The following EPHA6 variants were observed in gnomAD, a reference collection of about 807,000 sequenced individuals.
EPHA6 encodes the protein EPH receptor A6, also known as ephrin type-A receptor 6.
Under a neutral mutation model 112.0 loss-of-function variants are expected in EPHA6, and 50 were observed. The observed-to-expected ratio is 0.45, with a 90% CI of 0.36 to 0.56. The LOEUF is 0.56. Among genes scored for constraint, EPHA6 ranks in the 20% least tolerant of loss-of-function variants. The pLI, the probability that EPHA6 is intolerant of heterozygous loss-of-function variation, is 0.00. For synonymous variants in EPHA6, 529 were observed against 490.7 expected, an observed-to-expected ratio of 1.08 and a Z score of -1.03; for missense variants, 1,280 against 1,417.4, an observed-to-expected ratio of 0.90 and a Z score of 1.56.
intron 14 of EPHA6, among the ~76,000 whole-genome samples, chr3:97,682,010 T>A (rs2031898571): frequency 6.6e-6 from 1 of 152,154 alleles, no homozygotes; most frequent in Non-Finnish European, 1.5e-5. Context: ...CTCAGCTTAA[T>A]ATTTATATGC....
chr3:97,405,347 A>C, intron 6 of EPHA6, 73 bp downstream of exon 6: 1 of 1,294,656 alleles, frequency 7.7e-7, no homozygotes, highest in South Asian at 1.5e-5. Context: ...GCATGTCGTT[A>C]TACTATATTA....
At chr3:96,967,567 G>C (rs909576156) in intron 2 of EPHA6, among the ~76,000 whole-genome samples, 1 of 151,720 alleles carries the variant, frequency 6.6e-6, no homozygotes, top group African/African-American at 2.4e-5. Flanking sequence ...ATGTTGCCAA[G>C]TTTTTCATGA....
intron 1 of EPHA6, among the ~76,000 whole-genome samples, chr3:96,840,916 TA>T (rs1422783483): frequency 6.6e-6 from 1 of 152,096 alleles, no homozygotes; most frequent in Non-Finnish European, 1.5e-5. Context: ...GCTTTAAAAG[TA>T]AAAACAAAAA....
At chr3:97,630,292 T>A (rs539034327) in intron 13 of EPHA6, among the ~76,000 whole-genome samples, 26 of 152,122 alleles carry the variant, frequency 1.7e-4, no homozygotes, top group South Asian at 6.2e-4. Context: ...TTTATTAAGT[T>A]AAATTATAAT....
Position 97,125,365 on chromosome 3 carries a change from G to A in EPHA6, c.1115-100899G>A, listed in dbSNP as rs142708450. On this transcript the variant is annotated intron_variant, in intron 3 of 17. Coordinates refer to ENST00000389672, the MANE Select transcript of EPHA6 (RefSeq NM_001080448.3). ...GAAGCAGCTCACTCAGTTCAACAAG[G>A]TTATTTTTTTCCAGTTATGCTAATA... 3.4e-3 allele frequency among the ~76,000 whole-genome samples: 513 copies of A among 152,184 alleles called. 1 individual carries two copies. The highest frequency in any genetic ancestry group is 0.011 in the African/African-American group (477 of 41,518).
intron 11 of EPHA6, among the ~76,000 whole-genome samples, chr3:97,587,433 T>C (rs2093501168): frequency 6.6e-6 from 1 of 152,110 alleles, no homozygotes; most frequent in Non-Finnish European, 1.5e-5. Flanking sequence ...ACATACAAAA[T>C]ATAAAATAAG....
chr3:97,456,781 G>A (rs369799426), intron 7 of EPHA6, among the ~76,000 whole-genome samples: 1 of 152,070 alleles, frequency 6.6e-6, no homozygotes, highest in South Asian at 2.1e-4. Flanking sequence ...ATTTGAGATG[G>A]ATTTTTTTTT....
intron 5 of EPHA6, among the ~76,000 whole-genome samples, chr3:97,391,967 C>A (rs954189286): frequency 6.6e-6 from 1 of 151,650 alleles, no homozygotes; most frequent in Admixed American, 6.6e-5. Context: ...ATCCAGTAAG[C>A]AAATTTATAA....
At chr3:97,596,281 G>A (rs2093590119) in intron 12 of EPHA6, among the ~76,000 whole-genome samples, 1 of 152,046 alleles carries the variant, frequency 6.6e-6, no homozygotes, top group African/African-American at 2.4e-5. Context: ...TAATTATGTT[G>A]TCAAACAGTA....
chr3:97,032,345 G>T (rs2044891252), intron 3 of EPHA6, among the ~76,000 whole-genome samples: 1 of 151,990 alleles, frequency 6.6e-6, no homozygotes, highest in African/African-American at 2.4e-5. Context: ...TATACCTAAT[G>T]CTAAATGACG....
At chr3:97,637,707 T>C (rs1484956511) in intron 13 of EPHA6, among the ~76,000 whole-genome samples, 166 bp from the exon 14 acceptor site, 1 of 152,330 alleles carries the variant, frequency 6.6e-6, no homozygotes, top group East Asian at 1.9e-4. Flanking sequence ...TTTCTTTAAA[T>C]GTCAAACAAA....
intron 5 of EPHA6, among the ~76,000 whole-genome samples, chr3:97,271,814 A>G (rs2079892349): frequency 6.6e-6 from 1 of 152,112 alleles, no homozygotes; most frequent in African/African-American, 2.4e-5. Flanking sequence ...TTTATTTTTT[A>G]TTGTATGTAA....
At chr3:96,832,532 C>T (rs2034150122) in intron 1 of EPHA6, among the ~76,000 whole-genome samples, 1 of 151,988 alleles carries the variant, frequency 6.6e-6, no homozygotes, top group Admixed American at 6.6e-5. Context: ...TAGCAAATGG[C>T]TTATGCTAAA....
chr3:96,832,544 C>A (rs537014994), intron 1 of EPHA6, among the ~76,000 whole-genome samples: 11 of 151,968 alleles, frequency 7.2e-5, no homozygotes, highest in East Asian at 1.9e-4. Context: ...TATGCTAAAT[C>A]CACAATTTCA....
chr3:97,707,928 A>C (rs2033768170), intron 14 of EPHA6, among the ~76,000 whole-genome samples: 2 of 152,214 alleles, frequency 1.3e-5, no homozygotes, highest in African/African-American at 2.4e-5. Context: ...AGGCCTCCTC[A>C]GCCATGTAGA....
chr3:96,968,395 CA>C (rs2042201482), intron 2 of EPHA6, among the ~76,000 whole-genome samples: 3 of 137,232 alleles, frequency 2.2e-5, no homozygotes, highest in Admixed American at 1.4e-4. Flanking sequence ...AAAGCACACA[CA>C]CACACACACA....
chr3:96,979,465 G>C (rs1038138478), intron 2 of EPHA6, among the ~76,000 whole-genome samples: 1 of 152,110 alleles, frequency 6.6e-6, no homozygotes, highest in Non-Finnish European at 1.5e-5. Context: ...GGACATTTGG[G>C]TTGGTTCTAA....
At chr3:97,187,747 G>GAAAGAGGAAA (rs1559784809) in intron 3 of EPHA6, among the ~76,000 whole-genome samples, 15 of 124,148 alleles carry the variant, frequency 1.2e-4, no homozygotes, top group African/African-American at 4.6e-4. Context: ...GAAAGAAAGA[G>GAAAGAGGAAA]GAAAGAAAGA....
intron 3 of EPHA6, among the ~76,000 whole-genome samples, chr3:96,999,678 C>G (rs1160620211): frequency 1.3e-5 from 2 of 151,940 alleles, no homozygotes; most frequent in African/African-American, 2.4e-5. Flanking sequence ...CAGTCTGTCA[C>G]TTCACCAACA....
Sources: allele counts gnomAD v4.1 joint callset (sites outside exome capture counted in the v4.1 genomes callset), GRCh38; gene constraint gnomAD v4.1.1; transcripts MANE v1.5; gene names NCBI Gene and HGNC (gene_info 2026-07-23, HGNC 2026-07-21).